Variants in WDFY3 observed in about 807,000 individuals in gnomAD.
The protein encoded by WDFY3 is WD repeat and FYVE domain containing 3.
WDFY3 carries 66 observed loss-of-function variants against 409.6 expected under a neutral mutation model. The ratio of observed to expected loss-of-function variants is 0.16; its 90% CI spans 0.13 to 0.20. The LOEUF (loss-of-function observed/expected upper bound fraction) is 0.20, where lower values mean the gene tolerates loss of function less well. Among genes scored for constraint, WDFY3 ranks in the 10% least tolerant of loss-of-function variants. The pLI is 1.00. For missense variants in WDFY3, 3,031 were observed against 4,298.1 expected (o/e 0.71, Z 8.24); for synonymous variants, 1,521 against 1,537.1 (o/e 0.99, Z 0.25).
At chr4:84,828,982 T>C in intron 9 of WDFY3, 22 bp downstream of exon 9, 1 of 1,556,360 alleles carries the variant, frequency 6.4e-7, no homozygotes, top group East Asian at 2.3e-5. Context: ...TTAAAATACA[T>C]TCTTAAATTG....
chr4:84,673,520 T>C lies in WDFY3; in HGVS notation c.10458-529A>G, dbSNP rs79280496. Among the ~76,000 whole-genome samples, 199 of 152,286 alleles carry C rather than the reference T, an allele frequency of 1.3e-3. 3 individuals carry two copies. The East Asian group carries it at 0.037, about 28-fold the overall frequency. The stretch of plus-strand genomic sequence containing the variant: ...TGAGTTTGATCACTATCAAGTTCCA[T>C]TGTGCTTTTAAACATTTTGATTGAT... On this transcript the variant is annotated intron_variant, in intron 67 of 67. Transcript: ENST00000295888.
chr4:84,916,880 C>T (rs2150806434), intron 2 of WDFY3, among the ~76,000 whole-genome samples: 1 of 152,262 alleles, frequency 6.6e-6, no homozygotes, highest in South Asian at 2.1e-4. Context: ...TGGCAAACAT[C>T]TATAAGCTCT....
chr4:84,859,374 G>C (rs1419254523), intron 4 of WDFY3, among the ~76,000 whole-genome samples: 11 of 151,738 alleles, frequency 7.2e-5, no homozygotes. Flanking sequence ...TGGAGGGAGA[G>C]GAAGTAAAGA....
intron 32 of WDFY3, among the ~76,000 whole-genome samples, chr4:84,757,853 TA>T (rs1445889668): frequency 6.6e-6 from 1 of 152,182 alleles, no homozygotes; most frequent in Non-Finnish European, 1.5e-5. Flanking sequence ...ACTAAATGAG[TA>T]AGTAAAACAA....
At chr4:84,763,577 T>G (rs1743090138) in intron 32 of WDFY3, among the ~76,000 whole-genome samples, 1 of 149,946 alleles carries the variant, frequency 6.7e-6, no homozygotes, top group African/African-American at 2.5e-5. Flanking sequence ...TAAAGAAAAA[T>G]TTTACAAAAA....
chr4:84,787,793 A>G (rs1747813305), intron 22 of WDFY3, 80 bp from the exon 23 acceptor site: 1 of 1,259,554 alleles, frequency 7.9e-7, no homozygotes, highest in Admixed American at 2.3e-5. Context: ...ATGTATTTTC[A>G]TTATCCCAAG....
At chr4:84,907,720 T>C (rs560188787) in intron 2 of WDFY3, among the ~76,000 whole-genome samples, 4 of 150,840 alleles carry the variant, frequency 2.7e-5, no homozygotes, top group Non-Finnish European at 5.9e-5. Flanking sequence ...CAAGCAATAA[T>C]CATTGATCTG....
intron 16 of WDFY3, 155 bp downstream of exon 16, chr4:84,803,135 T>C: frequency 1.4e-6 from 1 of 731,774 alleles, no homozygotes; most frequent in Non-Finnish European, 2.1e-6. Context: ...TCATGAAAGG[T>C]AACACTCAAA....
At chr4:84,833,041 C>A (rs1755982441) in intron 7 of WDFY3, among the ~76,000 whole-genome samples, 1 of 150,968 alleles carries the variant, frequency 6.6e-6, no homozygotes. Context: ...AATCTAGTTG[C>A]CAAAAACCTA....
At chr4:84,744,610 T>C (rs887985481) in intron 36 of WDFY3, among the ~76,000 whole-genome samples, 1 of 151,576 alleles carries the variant, frequency 6.6e-6, no homozygotes, top group Admixed American at 6.6e-5. Flanking sequence ...TCCCAGCACT[T>C]TGGGAGGCCG....
At position 84,740,257 on chromosome 4, in the gene WDFY3, C is replaced by G; in HGVS notation, c.6394G>C (p.Gly2132Arg). 1 of 1,613,964 alleles carries G rather than the reference C, an allele frequency of 6.2e-7. No homozygotes were observed. Among genetic ancestry groups the G allele is most frequent in the Non-Finnish European group, 8.5e-7 (1 of 1,180,002 alleles). The change falls in exon 39 of 68, where the codon GGA becomes CGA. Residue 2132 changes from glycine (G) to arginine (R), a missense_variant. Physicochemically the swap from Gly to Arg is moderately radical, Grantham distance 125. Around this residue, in one of 16 missense-constraint regions of WDFY3, gnomAD observed 314 missense variants for 397.4 expected, o/e 0.79. Coordinates refer to ENST00000295888, the MANE Select transcript of WDFY3 (RefSeq NM_014991.6). ...VLTVNRNLILGPGNHDQEFIS... is the reference protein window; with the variant it reads ...VLTVNRNLILRPGNHDQEFIS... ...AATTCTTGGTCATGGTTCCCAGGTC[C>G]CAGGATCAAGTTTCTGTTTACAGTG...
chr4:84,963,343 G>A (rs577015480), intron 1 of WDFY3, among the ~76,000 whole-genome samples: 5 of 150,368 alleles, frequency 3.3e-5, no homozygotes, highest in Non-Finnish European at 5.9e-5. Context: ...AGAATCTCTC[G>A]AAACCCGGGA....
intron 10 of WDFY3, among the ~76,000 whole-genome samples, chr4:84,826,465 G>C (rs1460209275): frequency 6.6e-6 from 1 of 152,186 alleles, no homozygotes; most frequent in Non-Finnish European, 1.5e-5. Flanking sequence ...AATAGGTACA[G>C]AGATTAGGCT....
chr4:84,750,682 G>C (rs1740373279), intron 36 of WDFY3, among the ~76,000 whole-genome samples: 1 of 152,158 alleles, frequency 6.6e-6, no homozygotes, highest in Admixed American at 6.5e-5. Context: ...TTTTCTCTCT[G>C]TGATATCTTC....
At chr4:84,819,172 T>G (rs1427990741) in intron 12 of WDFY3, among the ~76,000 whole-genome samples, 1 of 152,068 alleles carries the variant, frequency 6.6e-6, no homozygotes, top group Non-Finnish European at 1.5e-5. Context: ...GTGTCTACAT[T>G]TTTCTTCACT....
At chr4:84,712,784 A>G (rs1318663982) in intron 51 of WDFY3, among the ~76,000 whole-genome samples, 9 of 152,198 alleles carry the variant, frequency 5.9e-5, no homozygotes, top group Non-Finnish European at 1.2e-4. Flanking sequence ...GATGTTTTAT[A>G]TATGTGATGA....
intron 13 of WDFY3, among the ~76,000 whole-genome samples, chr4:84,814,076 C>T (rs1233008496): frequency 6.6e-6 from 1 of 152,182 alleles, no homozygotes; most frequent in Non-Finnish European, 1.5e-5. Context: ...CTACTAATGT[C>T]TGTGGCTGGA....
chr4:84,882,084 T>C (rs2150408148), intron 3 of WDFY3, among the ~76,000 whole-genome samples: 1 of 152,262 alleles, frequency 6.6e-6, no homozygotes, highest in Non-Finnish European at 1.5e-5. Context: ...TTGCTCTCTG[T>C]AAGAATGCCT....
chr4:84,865,135 TGCCTCG>T (rs1469141439), intron 3 of WDFY3, among the ~76,000 whole-genome samples: 1 of 152,136 alleles, frequency 6.6e-6, no homozygotes, highest in Non-Finnish European at 1.5e-5. Flanking sequence ...GCAATCTGCC[TGCCTCG>T]GCCTCCCAAA....
Sources: allele counts gnomAD v4.1 joint callset (sites outside exome capture counted in the v4.1 genomes callset), GRCh38; gene constraint gnomAD v4.1.1; regional missense constraint gnomAD v4.1.1; transcripts MANE v1.5; gene names NCBI Gene and HGNC (gene_info 2026-07-23, HGNC 2026-07-21).